The following PSME4 variants were observed in gnomAD, a reference collection of about 807,000 sequenced individuals.
The protein encoded by PSME4 is proteasome activator complex subunit 4.
A neutral mutation model predicts 253.9 loss-of-function variants in PSME4; 89 were observed. That is an observed-to-expected ratio of 0.35 (90% CI 0.30 to 0.42). The LOEUF (loss-of-function observed/expected upper bound fraction) is 0.42. Ranked by LOEUF, PSME4 falls within the 10% of genes least tolerant of loss-of-function variation. PSME4 has a pLI of 1.00. For missense variants in PSME4, 2,014 were observed against 2,195.2 expected (o/e 0.92, Z 1.65); for synonymous variants, 851 against 759.2 (o/e 1.12, Z -1.99).
chr2:53,931,629 T>C (rs1668834214), intron 10 of PSME4, among the ~76,000 whole-genome samples: 1 of 152,250 alleles, frequency 6.6e-6, no homozygotes, highest in South Asian at 2.1e-4. Context: ...AAAAGATGTA[T>C]GTTACCCATT....
chr2:53,901,944 G>C (rs1176691269), intron 27 of PSME4, among the ~76,000 whole-genome samples: 1 of 152,182 alleles, frequency 6.6e-6, no homozygotes, highest in Admixed American at 6.5e-5. Flanking sequence ...GCACACACCT[G>C]TGGTCCCAGC....
At position 53,875,733 on chromosome 2, in the gene PSME4, T is replaced by C. The variant is rs771093630; in HGVS notation, c.4838A>G (p.Asn1613Ser). The change falls in exon 42 of 47, where the codon AAT (asparagine) becomes AGT (serine). Residue 1613 changes from asparagine to serine, a missense_variant. Asn to Ser is a conservative substitution (Grantham distance 46). Transcript: ENST00000404125. ...ATCTCTTTTCAGTTCATCGTAGCTATTGTCATTTTCCACTGGGGCAATCTA... is the reference window on the plus strand; with the variant it reads ...ATCTCTTTTCAGTTCATCGTAGCTACTGTCATTTTCCACTGGGGCAATCTA... ...FFKIAPVEND[N>S]SYDELKRDAK... 35 of 1,612,042 alleles carry C rather than the reference T, an allele frequency of 2.2e-5. No homozygotes were observed. The South Asian group carries it at 3.4e-4, about 16-fold the overall frequency.
At chr2:53,919,801 T>C (rs1172864997) in intron 19 of PSME4, among the ~76,000 whole-genome samples, 1 of 151,504 alleles carries the variant, frequency 6.6e-6, no homozygotes, top group South Asian at 2.1e-4. Flanking sequence ...TCTTGTTAAA[T>C]ACCTGTGGGA....
intron 12 of PSME4, among the ~76,000 whole-genome samples, 166 bp from the exon 13 acceptor site, chr2:53,926,189 A>C (rs1411779086): frequency 6.6e-6 from 1 of 152,204 alleles, no homozygotes; most frequent in Non-Finnish European, 1.5e-5. Context: ...TTCAATTTAG[A>C]ACAACTTCAT....
intron 44 of PSME4, among the ~76,000 whole-genome samples, chr2:53,867,233 G>A (rs1018515943): frequency 1.3e-5 from 2 of 152,136 alleles, no homozygotes; most frequent in Non-Finnish European, 2.9e-5. Context: ...GGCCAGGCAT[G>A]GTGGTTCATG....
intron 26 of PSME4, among the ~76,000 whole-genome samples, chr2:53,904,916 C>T (rs952975004): frequency 8.6e-5 from 13 of 151,572 alleles, no homozygotes; most frequent in East Asian, 2.0e-4. Flanking sequence ...GGAACTCAGG[C>T]GGCGGAGGTT....
intron 18 of PSME4, 85 bp from the exon 19 acceptor site, chr2:53,920,435 A>T: frequency 1.5e-6 from 2 of 1,312,092 alleles, no homozygotes; most frequent in Non-Finnish European, 2.0e-6. Flanking sequence ...AATTTTTAAA[A>T]TTTAAAAGAA....
chr2:53,912,764 C>A (rs761387938), intron 20 of PSME4, among the ~76,000 whole-genome samples: 1 of 152,206 alleles, frequency 6.6e-6, no homozygotes, highest in Non-Finnish European at 1.5e-5. Context: ...TAGTATCCTA[C>A]CTCTTCTGAC....
At position 53,931,823 on chromosome 2, in the gene PSME4, C is replaced by T; in HGVS notation, c.1316+12G>A. On this transcript the variant is annotated intron_variant, in intron 10 of 46. Transcript: ENST00000404125. ...AACCTAGCTGTGGCTGAGACTCCCA[C>T]TAACCACTTACCTTTCAAGTACAGG... The T allele has an allele frequency of 6.2e-7, 1 of 1,612,908 alleles. No homozygotes were observed. The highest frequency in any genetic ancestry group is 8.5e-7 in the Non-Finnish European group (1 of 1,179,230).
intron 40 of PSME4, among the ~76,000 whole-genome samples, chr2:53,886,925 C>T (rs1679666044): frequency 6.6e-6 from 1 of 152,106 alleles, no homozygotes; most frequent in Non-Finnish European, 1.5e-5. Context: ...ACTTATGATT[C>T]AACTTATGTG....
At chr2:53,948,006 AC>A (rs1669804923) in intron 3 of PSME4, among the ~76,000 whole-genome samples, 1 of 152,220 alleles carries the variant, frequency 6.6e-6, no homozygotes, top group Non-Finnish European at 1.5e-5. Flanking sequence ...TCAGAGTGAG[AC>A]ACCATCTCAG....
chr2:53,949,311 T>A, intron 1 of PSME4, 28 bp from the exon 2 acceptor site: 1 of 1,413,758 alleles, frequency 7.1e-7, no homozygotes. Flanking sequence ...ATATACCCTT[T>A]AAAAATAGGT....
At chr2:53,903,927 T>G in intron 27 of PSME4, 98 bp downstream of exon 27, 5 of 954,426 alleles carry the variant, frequency 5.2e-6, no homozygotes, top group Non-Finnish European at 7.8e-6. Context: ...ATACAGAATC[T>G]CAGTGGTGAA....
Position 53,923,303 on chromosome 2 carries a change from T to A in PSME4, c.1908+18A>T. 6.3e-7 allele frequency: 1 copy of A among 1,587,440 alleles called. No individual in the cohort carries two copies. Among genetic ancestry groups the A allele is most frequent in the Non-Finnish European group, 8.5e-7 (1 of 1,171,776 alleles). On this transcript the variant is annotated intron_variant, in intron 15 of 46. Coordinates refer to ENST00000404125, the MANE Select transcript of PSME4 (RefSeq NM_014614.3). Reference sequence around the variant, plus strand: ...ATTGTTGAGTCATTAATACATCAGTTCAAAAAAATAAACTCACCTTTACAG... The same window carrying A: ...ATTGTTGAGTCATTAATACATCAGTACAAAAAAATAAACTCACCTTTACAG...
rs571833072 is a variant in PSME4 at position 53,933,375 on chromosome 2, CAAAAAAAAAAAAAAA to C, written c.958-630_958-616del. Among the ~76,000 whole-genome samples, 5 of 60,618 alleles carry C rather than the reference CAAAAAAAAAAAAAAA, an allele frequency of 8.2e-5. No individual in the cohort carries two copies. The South Asian group carries it at 1.6e-3, about 19-fold the overall frequency. 39.8% of individuals were successfully genotyped at this position (60,618 alleles called of 152,430 possible). ...CCTGGGCGATAGAGCGAGACCATCT[CAAAAAAAAAAAAAAA>C]AAAAAAAAAAAAAGCGTTTCCCTCT... On this transcript the variant is annotated intron_variant, in intron 8 of 46. Transcript: ENST00000404125.
intron 20 of PSME4, among the ~76,000 whole-genome samples, chr2:53,913,038 A>G (rs1356950744): frequency 6.6e-6 from 1 of 152,166 alleles, no homozygotes; most frequent in Non-Finnish European, 1.5e-5. Context: ...TCCCTTCCTC[A>G]TGTGAAATCC....
At chr2:53,939,406 T>C (rs1669276916) in intron 4 of PSME4, among the ~76,000 whole-genome samples, 1 of 152,158 alleles carries the variant, frequency 6.6e-6, no homozygotes, top group African/African-American at 2.4e-5. Flanking sequence ...TTAAATTTTA[T>C]CCACACTCAT....
rs1449279836 is a variant in PSME4, at chr2:53,928,222, A to T, written c.1398T>A (p.Ser466Arg). Residue 466 changes from serine (S) to arginine (R), a missense_variant, in exon 11 of 47, where the codon AGT becomes AGA. Ser to Arg is a moderately radical substitution (Grantham distance 110, BLOSUM62 -1). Transcript: ENST00000404125. Reference protein sequence around the residue: ...TLSCVIGVARSLVSGGRWFPE... With the variant: ...TLSCVIGVARRLVSGGRWFPE... ...GAAACCATCTGCCTCCTGATACCAA[A>T]CTGCGGGCTACTCCAATTACACAAC... The T allele has an allele frequency of 1.2e-6, 2 of 1,613,978 alleles. No individual in the cohort carries two copies. Among genetic ancestry groups the T allele is most frequent in the Non-Finnish European group, 1.7e-6 (2 of 1,180,002 alleles).
At chr2:53,925,778 T>C in intron 13 of PSME4, 89 bp from the exon 14 acceptor site, 5 of 1,377,560 alleles carry the variant, frequency 3.6e-6, no homozygotes, top group South Asian at 1.3e-5. Context: ...ATTGTCCTAA[T>C]TATTCAAGTG....
Sources: gnomAD v4.1 joint callset for allele counts (sites outside exome capture counted in the v4.1 genomes callset) on GRCh38, gnomAD v4.1.1 for gene constraint, MANE v1.5 for transcripts, NCBI Gene and HGNC (gene_info 2026-07-23, HGNC 2026-07-21) for gene names.